GNPTAB: variants seen among roughly 807,000 people sequenced by gnomAD.
GNPTAB encodes the protein N-acetylglucosamine-1-phosphotransferase subunits alpha/beta.
Under a neutral mutation model 136.6 loss-of-function variants are expected in GNPTAB, and 92 were observed. That is an observed-to-expected ratio of 0.67 (90% CI 0.57 to 0.80). GNPTAB has a LOEUF of 0.80. GNPTAB is among the 30% of genes least tolerant of loss of function. The probability of loss-of-function intolerance (pLI) is 0.00; values close to 1 mark genes in which losing one functional copy is unlikely to be tolerated. For synonymous variants in GNPTAB, 512 were observed against 535.1 expected (o/e 0.96, Z 0.60); for missense variants, 1,343 against 1,501.8 (o/e 0.89, Z 1.75).
intron 1 of GNPTAB, among the ~76,000 whole-genome samples, chr12:101,805,372 TA>T (rs1189374138): frequency 6.6e-6 from 1 of 152,212 alleles, no homozygotes; most frequent in Non-Finnish European, 1.5e-5. Context: ...TAAAAAGTCA[TA>T]AAAGGTGAAA....
At chr12:101,817,118 A>C (rs1870548132) in intron 1 of GNPTAB, among the ~76,000 whole-genome samples, 1 of 152,146 alleles carries the variant, frequency 6.6e-6, no homozygotes, top group African/African-American at 2.4e-5. Flanking sequence ...CTGGTGTTCG[A>C]CAGCACAAGA....
intron 19 of GNPTAB, 89 bp downstream of exon 19, chr12:101,753,283 T>TA (rs959237256): frequency 8.4e-5 from 95 of 1,126,974 alleles, no homozygotes; most frequent in Non-Finnish European, 9.9e-5. Flanking sequence ...AGAAATTTCA[T>TA]AAAAAAAACA....
intron 7 of GNPTAB, among the ~76,000 whole-genome samples, chr12:101,777,386 C>T (rs145510744): frequency 2.5e-4 from 38 of 152,288 alleles, no homozygotes; most frequent in Non-Finnish European, 3.8e-4. Flanking sequence ...TCAACCTGGC[C>T]TCAACCTGTC....
intron 2 of GNPTAB, 66 bp downstream of exon 2, chr12:101,796,611 C>CA: frequency 9.8e-7 from 1 of 1,025,266 alleles, no homozygotes; most frequent in East Asian, 2.4e-5. Context: ...GTCATATTTA[C>CA]AGGATGGCTA....
Position 101,765,177 on chromosome 12 carries a change from A to G in GNPTAB, c.1740T>C (p.Tyr580=), listed in dbSNP as rs1429951200. 6.2e-7 allele frequency: 1 copy of G among 1,614,036 alleles called. No individual in the cohort carries two copies. The highest frequency in any genetic ancestry group is 1.3e-5 in the African/African-American group (1 of 74,928). The change falls in exon 13 of 21, where the codon TAT becomes TAC. Residue 580 remains tyrosine (Y), a synonymous_variant. Transcript: ENST00000299314. Reference sequence around the variant, plus strand: ...CATGTCGAATTATTGGATTGTCACTATAGGCACCTTCAACTCCTCTTTTGG... The same window carrying G: ...CATGTCGAATTATTGGATTGTCACTGTAGGCACCTTCAACTCCTCTTTTGG... ...EVAKRGVEGA[Y]SDNPIIRHAS... is the part of the protein sequence containing the mutation.
intron 1 of GNPTAB, among the ~76,000 whole-genome samples, chr12:101,809,747 A>G (rs942953676): frequency 3.3e-5 from 5 of 152,186 alleles, no homozygotes; most frequent in Admixed American, 3.3e-4. Flanking sequence ...AGTGGGGAGG[A>G]AGGAGAAGAT....
intron 20 of GNPTAB, among the ~76,000 whole-genome samples, chr12:101,747,527 T>C (rs2137096181): frequency 6.6e-6 from 1 of 151,864 alleles, no homozygotes. Flanking sequence ...CAACTACAGA[T>C]TTTTACACAG....
At chr12:101,769,652 G>A (rs111580575) in intron 10 of GNPTAB, among the ~76,000 whole-genome samples, 1 of 152,164 alleles carries the variant, frequency 6.6e-6, no homozygotes, top group Non-Finnish European at 1.5e-5. Flanking sequence ...CTGGGGTGCA[G>A]TGGCACAATC....
chr12:101,807,330 T>C lies in GNPTAB; in HGVS notation c.118-10568A>G, dbSNP rs1869978293. On this transcript the variant is annotated intron_variant, in intron 1 of 20. Transcript: ENST00000299314. ...CAGTTTCACCTAATATCATACTTAG[T>C]GATGAGAAACTACATGCTTTCCTCC... Among the ~76,000 whole-genome samples the C allele has an allele frequency of 2.0e-5, 3 of 152,184 alleles. No individual in the cohort carries two copies. The South Asian group carries it at 6.2e-4, about 31-fold the overall frequency.
chr12:101,793,607 CACT>C (rs1869118183), intron 2 of GNPTAB, among the ~76,000 whole-genome samples: 2 of 152,236 alleles, frequency 1.3e-5, no homozygotes, highest in South Asian at 4.2e-4. Flanking sequence ...ACCACTAGAC[CACT>C]ATCTTGGTTC....
At chr12:101,800,853 A>T (rs1371910615) in intron 1 of GNPTAB, among the ~76,000 whole-genome samples, 1 of 152,028 alleles carries the variant, frequency 6.6e-6, no homozygotes, top group Admixed American at 6.6e-5. Flanking sequence ...GGCATACTTT[A>T]ATTGGTACCT....
chr12:101,787,913 C>CAAAAAAAAAAAAAAACAAAAAA (rs1868757367), intron 4 of GNPTAB, among the ~76,000 whole-genome samples: 1 of 126,916 alleles, frequency 7.9e-6, no homozygotes, highest in Non-Finnish European at 1.6e-5. Context: ...AACTCCGTCT[C>CAAAAAAAAAAAAAAACAAAAAA]AAAAAAAAAA....
In GNPTAB at chr12:101,764,532, T is replaced by A. The variant is rs1008498078; in HGVS notation, c.2385A>T (p.Val795=). Residue 795 remains valine (V), a synonymous_variant, in exon 13 of 21, where the codon GTA becomes GTT. Coordinates refer to ENST00000299314, the MANE Select transcript of GNPTAB (RefSeq NM_024312.5). The part of the protein sequence containing the change: ...LQRLTFPAVS[V]KVNGHDQGQN... The stretch of plus-strand genomic sequence containing the variant: ...GACCCTGGTCATGACCATTCACTTT[T>A]ACACTCACTGCAGGAAAAGTCAACC... The A allele has an allele frequency of 1.2e-6, 2 of 1,613,326 alleles. No individual in the cohort carries two copies. Among genetic ancestry groups the A allele is most frequent in the Non-Finnish European group, 8.5e-7 (1 of 1,179,814 alleles).
intron 2 of GNPTAB, among the ~76,000 whole-genome samples, chr12:101,792,094 C>T (rs796107119): frequency 1.3e-5 from 2 of 151,748 alleles, no homozygotes; most frequent in Non-Finnish European, 2.9e-5. Context: ...TATGGGGAGG[C>T]GGGGCGGTCA....
At chr12:101,827,982 A>C (rs1180843630) in intron 1 of GNPTAB, among the ~76,000 whole-genome samples, 4 of 152,194 alleles carry the variant, frequency 2.6e-5, no homozygotes, top group Non-Finnish European at 5.9e-5. Flanking sequence ...AACAAAAAAA[A>C]CAATGATCTT....
intron 2 of GNPTAB, among the ~76,000 whole-genome samples, chr12:101,793,792 G>A (rs1432692974): frequency 6.6e-6 from 1 of 152,130 alleles, no homozygotes; most frequent in Admixed American, 6.5e-5. Flanking sequence ...TATAAAGTAG[G>A]TGAGAAAACA....
intron 8 of GNPTAB, 104 bp downstream of exon 8, chr12:101,770,892 T>C: frequency 8.6e-7 from 1 of 1,165,476 alleles, no homozygotes; most frequent in Non-Finnish European, 1.3e-6. Flanking sequence ...TCCAATCAAC[T>C]CACCTCTCTG....
chr12:101,763,893 T>C (rs1367891520), intron 13 of GNPTAB, among the ~76,000 whole-genome samples: 1 of 152,172 alleles, frequency 6.6e-6, no homozygotes, highest in Admixed American at 6.5e-5. Context: ...ATATCTGAAA[T>C]GTCAAGACAA....
chr12:101,812,378 G>A (rs994576554), intron 1 of GNPTAB, among the ~76,000 whole-genome samples: 11 of 152,296 alleles, frequency 7.2e-5, no homozygotes, highest in African/African-American at 2.6e-4. Context: ...CACGGAGGAT[G>A]ACAATTCAAC....
Sources: allele counts gnomAD v4.1 joint callset (sites outside exome capture counted in the v4.1 genomes callset), GRCh38; gene constraint gnomAD v4.1.1; transcripts MANE v1.5; gene names NCBI Gene and HGNC (gene_info 2026-07-23, HGNC 2026-07-21).